Variants in LSM6 observed in about 807,000 individuals in gnomAD.
LSM6 encodes U6 snRNA-associated Sm-like protein LSm6.
Under a neutral mutation model 13.5 loss-of-function variants are expected in LSM6, and 2 were observed. The ratio of observed to expected loss-of-function variants is 0.15; its 90% CI spans 0.06 to 0.47. The LOEUF is 0.47. Among genes scored for constraint, LSM6 ranks in the 20% least tolerant of loss-of-function variants. The probability of loss-of-function intolerance (pLI) is 0.97; values close to 1 mark genes in which losing one functional copy is unlikely to be tolerated. For missense variants in LSM6, 58 were observed against 96.4 expected (o/e 0.60, Z 1.67); for synonymous variants, 43 against 34.9 (o/e 1.23, Z -0.82).
chr4:146,179,254 C>T (rs997574477), intron 1 of LSM6, among the ~76,000 whole-genome samples: 1 of 152,146 alleles, frequency 6.6e-6, no homozygotes, highest in Non-Finnish European at 1.5e-5. Flanking sequence ...AGGTCTTTTT[C>T]CTCTTATGTG....
chr4:146,186,872 C>G (rs976498438), intron 2 of LSM6, among the ~76,000 whole-genome samples: 2 of 152,166 alleles, frequency 1.3e-5, no homozygotes, highest in Non-Finnish European at 2.9e-5. Flanking sequence ...CACTTAGTGG[C>G]TAAAGTAGGA....
chr4:146,177,118 A>C (rs2110876209), intron 1 of LSM6, among the ~76,000 whole-genome samples: 1 of 152,242 alleles, frequency 6.6e-6, no homozygotes, highest in Admixed American at 6.5e-5. Context: ...CATCTGGCAT[A>C]ACTCCCTTAT....
chr4:146,189,952 G>A lies in LSM6; in HGVS notation c.*296G>A, dbSNP rs1053303573. On this transcript the variant is annotated 3_prime_UTR_variant, in exon 4 of 4. Coordinates refer to ENST00000296581, the MANE Select transcript of LSM6 (RefSeq NM_007080.3). ...GATTATTTAACTTAAGTTTCGAGAA[G>A]TGTCATTTCATTTGACTTGCTTTTC... 7 of 278,160 alleles carry A rather than the reference G, an allele frequency of 2.5e-5. No individual in the cohort carries two copies. Among genetic ancestry groups the A allele is most frequent in the African/African-American group, 1.6e-4 (7 of 44,862 alleles). The allele number at this position is 278,160 out of a possible 1,614,324, so 17.2% of individuals were successfully genotyped here.
At chr4:146,177,351 T>C (rs1410920423) in intron 1 of LSM6, among the ~76,000 whole-genome samples, 1 of 152,232 alleles carries the variant, frequency 6.6e-6, no homozygotes, top group Non-Finnish European at 1.5e-5. Context: ...TTTAAAAGTG[T>C]ACTAACAGAT....
rs762338267 is a variant in LSM6 at position 146,183,050 on chromosome 4, C to G, written c.94+35C>G. ...TCATGTTTCAACCTCACTGGTATAA[C>G]TGAATAAGTAAATGTGACTTACTGA... On this transcript the variant is annotated intron_variant, in intron 2 of 3. Transcript: ENST00000296581. 4 of 1,398,258 alleles carry G rather than the reference C, an allele frequency of 2.9e-6. No individual in the cohort carries two copies. In the African/African-American group the frequency reaches 5.7e-5, roughly 20 times the overall value. 86.6% of individuals were successfully genotyped at this position (1,398,258 alleles called of 1,614,324 possible). A position where few individuals can be genotyped will look rare whatever the true frequency, so the allele number is the denominator to read the frequency against.
chr4:146,189,506 T>G lies in LSM6; in HGVS notation c.209-116T>G, dbSNP rs925064791. 7.5e-6 allele frequency: 5 copies of G among 670,926 alleles called. No individual in the cohort carries two copies. The African/African-American group carries it at 9.3e-5, about 12-fold the overall frequency. 41.6% of individuals were successfully genotyped at this position (670,926 alleles called of 1,614,324 possible). ...TAGAGTTAATTGAATGATACGAGAA[T>G]TCCTTTTAAATGTCAGATGTATCAG... On this transcript the variant is annotated intron_variant, in intron 3 of 3. Transcript: ENST00000296581.
chr4:146,177,652 T>A (rs1340879967), intron 1 of LSM6, among the ~76,000 whole-genome samples: 1 of 151,784 alleles, frequency 6.6e-6, no homozygotes, highest in Non-Finnish European at 1.5e-5. Context: ...TTTTATTTAT[T>A]TTTTTATTTA....
Position 146,191,212 on chromosome 4 carries a change from T to C in LSM6, c.*1556T>C, listed in dbSNP as rs1730462456. ...CTTTTAAGGAGAAAATGGATGGCTCTCCAAGTGGAGCATACATGTTCTCAT... is the reference window on the plus strand; with the variant it reads ...CTTTTAAGGAGAAAATGGATGGCTCCCCAAGTGGAGCATACATGTTCTCAT... On this transcript the variant is annotated 3_prime_UTR_variant, in exon 4 of 4. Transcript: ENST00000296581. The C allele has an allele frequency of 1.3e-5, 2 of 152,198 alleles. No individual in the cohort carries two copies. The highest frequency in any genetic ancestry group is 4.8e-5 in the African/African-American group (2 of 41,442). 9.4% of individuals were successfully genotyped at this position (152,198 alleles called of 1,614,324 possible).
At chr4:146,181,088 A>C (rs1730221702) in intron 1 of LSM6, 1 of 152,230 alleles carries the variant, frequency 6.6e-6, no homozygotes, top group Non-Finnish European at 1.5e-5. Flanking sequence ...TTATCTGTTG[A>C]GATTGTGGAG....
intron 1 of LSM6, among the ~76,000 whole-genome samples, chr4:146,182,696 A>C (rs1169191379): frequency 2.0e-5 from 3 of 152,256 alleles, no homozygotes; most frequent in Non-Finnish European, 2.9e-5. Flanking sequence ...GGTACTGATA[A>C]GATAATGCAT....
intron 3 of LSM6, among the ~76,000 whole-genome samples, chr4:146,188,985 CT>C (rs574933137): frequency 0.061 from 8,069 of 131,276 alleles, 283 homozygotes; most frequent in East Asian, 0.15. Context: ...TGAAAAGCAT[CT>C]TTTTTTTTTT....
intron 1 of LSM6, among the ~76,000 whole-genome samples, chr4:146,178,126 A>G (rs540699725): frequency 1.3e-5 from 2 of 152,308 alleles, no homozygotes; most frequent in Admixed American, 1.3e-4. Flanking sequence ...CTGTATCCAT[A>G]GTTTGGGCTG....
At chr4:146,176,472 C>T (rs1730111107) in intron 1 of LSM6, 1 of 152,198 alleles carries the variant, frequency 6.6e-6, no homozygotes, top group Non-Finnish European at 1.5e-5. Context: ...ATTACCCTGC[C>T]CCACTGCTCT....
At chr4:146,181,718 T>G (rs1730236072) in intron 1 of LSM6, among the ~76,000 whole-genome samples, 1 of 152,240 alleles carries the variant, frequency 6.6e-6, no homozygotes, top group Non-Finnish European at 1.5e-5. Context: ...AACTTTTAAG[T>G]CTCAGTGCTA....
At chr4:146,176,646 A>G (rs567805833) in intron 1 of LSM6, 3 of 151,908 alleles carry the variant, frequency 2.0e-5, no homozygotes, top group Non-Finnish European at 4.4e-5. Flanking sequence ...GTAGTTTTCC[A>G]CTTCCATTTA....
intron 1 of LSM6, among the ~76,000 whole-genome samples, chr4:146,180,295 T>C (rs1378298677): frequency 5.9e-5 from 9 of 152,210 alleles, no homozygotes; most frequent in Non-Finnish European, 1.0e-4. Context: ...TAAGGCCTTG[T>C]CTTTGTGTTA....
chr4:146,178,044 C>A (rs941527653), intron 1 of LSM6, among the ~76,000 whole-genome samples: 1 of 152,188 alleles, frequency 6.6e-6, no homozygotes, highest in Non-Finnish European at 1.5e-5. Flanking sequence ...GTTGTTTTCT[C>A]AGTTTTTGGT....
At chr4:146,183,959 G>A (rs1730291383) in intron 2 of LSM6, among the ~76,000 whole-genome samples, 1 of 146,232 alleles carries the variant, frequency 6.8e-6, no homozygotes, top group Non-Finnish European at 1.5e-5. Flanking sequence ...TGCAAGCTCC[G>A]CCTCTAGACT....
At chr4:146,185,519 A>AG (rs541515757) in intron 2 of LSM6, among the ~76,000 whole-genome samples, 5 of 151,672 alleles carry the variant, frequency 3.3e-5, no homozygotes, top group Non-Finnish European at 5.9e-5. Flanking sequence ...AAAAAAAAAA[A>AG]AAAAAGAAAA....
Sources: gnomAD v4.1 joint callset for allele counts (sites outside exome capture counted in the v4.1 genomes callset) on GRCh38, gnomAD v4.1.1 for gene constraint, MANE v1.5 for transcripts, NCBI Gene and HGNC (gene_info 2026-07-23, HGNC 2026-07-21) for gene names.